PCDHA6: variants seen among roughly 807,000 people sequenced by gnomAD.
PCDHA6 encodes protocadherin alpha 6, also known as protocadherin alpha-6.
Under a neutral mutation model 60.3 loss-of-function variants are expected in PCDHA6, and 55 were observed. The ratio of observed to expected loss-of-function variants is 0.91; its 90% CI spans 0.73 to 1.14. The LOEUF (loss-of-function observed/expected upper bound fraction) is 1.14, where lower values mean the gene tolerates loss of function less well. Ranked by LOEUF, PCDHA6 falls within the 50% of genes most tolerant of loss-of-function variation. The probability of loss-of-function intolerance (pLI) is 0.00; values close to 1 mark genes in which losing one functional copy is unlikely to be tolerated. For missense variants in PCDHA6, 1,327 were observed against 1,256.5 expected, an observed-to-expected ratio of 1.06 and a Z score of -0.85; for synonymous variants, 652 against 557.9, an observed-to-expected ratio of 1.17 and a Z score of -2.38.
chr5:140,869,766 G>T, intron 1 of PCDHA6: 1 of 1,613,210 alleles, frequency 6.2e-7, no homozygotes, highest in Non-Finnish European at 8.5e-7. Context: ...GAAAACCAGA[G>T]CTTACTGGCA....
chr5:140,944,857 A>G (rs1288221644), intron 1 of PCDHA6, among the ~76,000 whole-genome samples: 1 of 152,078 alleles, frequency 6.6e-6, no homozygotes, highest in Non-Finnish European at 1.5e-5. Context: ...AATCATCCTT[A>G]TTTATCTTAA....
chr5:140,838,467 T>A (rs1775746524), intron 1 of PCDHA6, among the ~76,000 whole-genome samples: 1 of 151,796 alleles, frequency 6.6e-6, no homozygotes, highest in South Asian at 2.1e-4. Flanking sequence ...TCATTAGCGC[T>A]TATTCCTTGT....
At chr5:140,985,128 G>A (rs908196925) in intron 3 of PCDHA6, among the ~76,000 whole-genome samples, 3 of 152,056 alleles carry the variant, frequency 2.0e-5, no homozygotes, top group Admixed American at 6.6e-5. Flanking sequence ...TAGTAAAGAC[G>A]GGGTTTCACC....
Position 140,828,649 on chromosome 5 carries a change from T to C in PCDHA6, c.558T>C (p.Ser186=). 1.2e-6 allele frequency: 2 copies of C among 1,614,100 alleles called. No homozygotes were observed. Among genetic ancestry groups the C allele is most frequent in the Non-Finnish European group, 1.7e-6 (2 of 1,180,010 alleles). Residue 186 remains serine (S), a synonymous_variant, in exon 1 of 4, where the codon AGT becomes AGC. Transcript: ENST00000529310. The part of the protein sequence containing the change: ...EYFGLDVKIN[S]DDNKQIGLLL... ...TCGGGCTAGATGTGAAAATAAACAG[T>C]GATGACAATAAACAAATTGGGCTCT...
Position 140,844,237 on chromosome 5 carries a change from T to C in PCDHA6, c.2394+13752T>C, listed in dbSNP as rs1453017413. Among the ~76,000 whole-genome samples the C allele has an allele frequency of 2.7e-5, 4 of 149,830 alleles. 1 individual carries two copies. The highest frequency in any genetic ancestry group is 4.2e-4 in the South Asian group (2 of 4,726). On this transcript the variant is annotated intron_variant, in intron 1 of 3. Coordinates refer to ENST00000529310, the MANE Select transcript of PCDHA6 (RefSeq NM_018909.4). ...CACAAATATCTTTGGTGTTTCACTA[T>C]TGCCGTTTTAAGCAGTGTAGTGATA...
chr5:141,005,701 CA>C (rs59860837), intron 3 of PCDHA6, among the ~76,000 whole-genome samples: 201 of 7,776 alleles, frequency 0.026, no homozygotes, highest in African/African-American at 0.052. Flanking sequence ...AACTCCGTCT[CA>C]AAAAAAAAAA....
chr5:140,931,952 A>G (rs1159894265), intron 1 of PCDHA6, among the ~76,000 whole-genome samples: 2 of 151,970 alleles, frequency 1.3e-5, no homozygotes, highest in African/African-American at 4.8e-5. Flanking sequence ...AGTCTTACAG[A>G]ATCATGTTGA....
chr5:140,863,136 G>A (rs1554157813), intron 1 of PCDHA6: 5 of 603,754 alleles, frequency 8.3e-6, no homozygotes, highest in South Asian at 5.5e-5. Context: ...ACCGCCTGCT[G>A]GTGCTGGTGA....
At chr5:140,952,972 A>G (rs1206326487) in intron 1 of PCDHA6, among the ~76,000 whole-genome samples, 1 of 152,074 alleles carries the variant, frequency 6.6e-6, no homozygotes, top group Non-Finnish European at 1.5e-5. Context: ...CACACTTTTA[A>G]ACAACAAGAT....
chr5:140,880,822 A>T (rs893258483), intron 1 of PCDHA6, among the ~76,000 whole-genome samples: 2 of 152,206 alleles, frequency 1.3e-5, no homozygotes, highest in Non-Finnish European at 2.9e-5. Flanking sequence ...GAGTGTCTGG[A>T]AGGGCATATT....
At chr5:140,887,984 A>G (rs2061657027) in intron 1 of PCDHA6, among the ~76,000 whole-genome samples, 1 of 152,178 alleles carries the variant, frequency 6.6e-6, no homozygotes, top group Admixed American at 6.5e-5. Context: ...TTTATTTTAC[A>G]TGTCTCCACC....
At position 140,842,876 on chromosome 5, in the gene PCDHA6, G is replaced by C. The variant is rs78119592; in HGVS notation, c.2394+12391G>C. On this transcript the variant is annotated intron_variant, in intron 1 of 3. Coordinates refer to ENST00000529310, the MANE Select transcript of PCDHA6 (RefSeq NM_018909.4). ...GCACACGGAGAGCGGCAAGGTGTAC[G>C]CGCTGCAGCCGCTGGACCACGAGGA... The C allele has an allele frequency of 5.6e-6, 9 of 1,593,878 alleles. 1 individual carries two copies. Among genetic ancestry groups the C allele is most frequent in the Non-Finnish European group, 7.7e-6 (9 of 1,165,430 alleles).
At chr5:140,907,840 A>C (rs2073633940) in intron 1 of PCDHA6, among the ~76,000 whole-genome samples, 1 of 152,160 alleles carries the variant, frequency 6.6e-6, no homozygotes, top group South Asian at 2.1e-4. Context: ...TGTTTATTAA[A>C]ATCCTCCTCT....
chr5:141,009,746 T>C lies in PCDHA6; in HGVS notation c.2662T>C (p.Phe888Leu). ...CGGTCCCGGTGAGTTGCCCGACAAA[T>C]TCATTATCCCAGGATCTCCTGCAAT... ...QSGPGELPDK[F>L]IIPGSPAIIS... The change falls in exon 4 of 4, where the codon TTC becomes CTC. Residue 888 changes from phenylalanine to leucine, a missense_variant. Transcript: ENST00000529310. 6.2e-7 allele frequency: 1 copy of C among 1,614,062 alleles called. No homozygotes were observed. Among genetic ancestry groups the C allele is most frequent in the Non-Finnish European group, 8.5e-7 (1 of 1,180,018 alleles).
chr5:140,854,575 AT>A (rs1416298079), intron 1 of PCDHA6: 1 of 149,968 alleles, frequency 6.7e-6, no homozygotes, highest in Non-Finnish European at 1.5e-5. Context: ...TGTCATTCAG[AT>A]TTTAATAAAA....
intron 1 of PCDHA6, chr5:140,883,972 C>G (rs781784485): frequency 3.1e-6 from 5 of 1,612,854 alleles, no homozygotes; most frequent in Non-Finnish European, 4.2e-6. Context: ...TGCTGACGCC[C>G]GGGGCTGGCA....
chr5:140,995,314 G>A (rs2097676013), intron 3 of PCDHA6, among the ~76,000 whole-genome samples: 1 of 152,140 alleles, frequency 6.6e-6, no homozygotes, highest in Admixed American at 6.5e-5. Context: ...CTTTCTAAGT[G>A]AACTAACAGG....
intron 1 of PCDHA6, among the ~76,000 whole-genome samples, chr5:140,905,536 T>A (rs1562950103): frequency 6.6e-6 from 1 of 152,286 alleles, no homozygotes; most frequent in East Asian, 1.9e-4. Flanking sequence ...TGGTTCCATA[T>A]GAACTTTAGG....
At chr5:140,869,669 T>C (rs1461591468) in intron 1 of PCDHA6, 49 of 1,613,358 alleles carry the variant, frequency 3.0e-5, no homozygotes, top group Non-Finnish European at 4.1e-5. Context: ...GGTAAGCAGA[T>C]TAAAAGACTG....
Sources: allele counts gnomAD v4.1 joint callset (sites outside exome capture counted in the v4.1 genomes callset), GRCh38; gene constraint gnomAD v4.1.1; transcripts MANE v1.5; gene names NCBI Gene and HGNC (gene_info 2026-07-23, HGNC 2026-07-21).